Variants in NAP1L4 observed in about 807,000 individuals in gnomAD.
The protein encoded by NAP1L4 is nucleosome assembly protein 1 like 4.
Under a neutral mutation model 58.2 loss-of-function variants are expected in NAP1L4, and 15 were observed. The observed-to-expected ratio is 0.26, with a 90% CI of 0.17 to 0.40. The LOEUF (loss-of-function observed/expected upper bound fraction) is 0.40. NAP1L4 is among the 10% of genes least tolerant of loss of function. The pLI is 1.00. For missense variants in NAP1L4, 384 were observed against 451.1 expected (o/e 0.85, Z 1.35); for synonymous variants, 171 against 155.6 (o/e 1.10, Z -0.74).
At chr11:2,986,304 G>A (rs1177939218) in intron 1 of NAP1L4, among the ~76,000 whole-genome samples, 4 of 151,710 alleles carry the variant, frequency 2.6e-5, no homozygotes, top group African/African-American at 9.7e-5. Flanking sequence ...AACCTGGGGG[G>A]CGGAGGTTGT....
intron 4 of NAP1L4, among the ~76,000 whole-genome samples, chr11:2,974,099 G>C (rs1847811479): frequency 6.6e-6 from 1 of 152,120 alleles, no homozygotes; most frequent in African/African-American, 2.4e-5. Flanking sequence ...TTTAATTTTT[G>C]AAGCTTTCCA....
chr11:2,958,942 G>C (rs1022843167), intron 9 of NAP1L4: 1 of 223,442 alleles, frequency 4.5e-6, no homozygotes. Flanking sequence ...CTGAAAAAAG[G>C]AAAGAGGTGG....
chr11:2,969,715 T>A, intron 7 of NAP1L4, 88 bp downstream of exon 7: 1 of 1,423,794 alleles, frequency 7.0e-7, no homozygotes, highest in Non-Finnish European at 9.4e-7. Flanking sequence ...AATCTTTCAA[T>A]GCCCAGTGTA....
At chr11:2,964,372 G>A (rs1847131360) in intron 8 of NAP1L4, among the ~76,000 whole-genome samples, 1 of 152,148 alleles carries the variant, frequency 6.6e-6, no homozygotes, top group Admixed American at 6.5e-5. Context: ...CTCCTGCATT[G>A]GTGCCCACCT....
intron 6 of NAP1L4, among the ~76,000 whole-genome samples, chr11:2,970,692 G>C (rs541138994): frequency 3.7e-4 from 57 of 152,292 alleles, no homozygotes; most frequent in Non-Finnish European, 6.5e-4. Context: ...ATCTTGAAAT[G>C]AAAGGCCTTT....
Position 2,958,387 on chromosome 11 carries a change from C to G in NAP1L4, c.892+12G>C, listed in dbSNP as rs756126897. The G allele has an allele frequency of 2.7e-5, 43 of 1,613,432 alleles. No individual in the cohort carries two copies. The highest frequency in any genetic ancestry group is 3.6e-5 in the Non-Finnish European group (42 of 1,179,718). On this transcript the variant is annotated intron_variant, in intron 10 of 15. Transcript: ENST00000380542. ...TAAGAACATAATGAATATTAACAAC[C>G]AACAGACTTGCCTTTCAATGGATTG...
At chr11:2,985,668 A>G (rs1042063575) in intron 1 of NAP1L4, among the ~76,000 whole-genome samples, 23 of 152,392 alleles carry the variant, frequency 1.5e-4, no homozygotes, top group African/African-American at 4.8e-4. Context: ...CGCATTATAC[A>G]TCATAAATAT....
chr11:2,977,136 CAT>C (rs1383586488), intron 3 of NAP1L4, among the ~76,000 whole-genome samples: 5 of 152,204 alleles, frequency 3.3e-5, no homozygotes, highest in Admixed American at 6.5e-5. Flanking sequence ...ACTGTGTACA[CAT>C]GTGTAGTATA....
Position 2,959,872 on chromosome 11 carries a change from T to C in NAP1L4, c.644A>G (p.Tyr215Cys). The change falls in exon 9 of 16, where the codon TAC (tyrosine) becomes TGC (cysteine). Residue 215 changes from tyrosine (Y) to cysteine (C), a missense_variant. Physicochemically the swap from Tyr to Cys is radical, Grantham distance 194 (BLOSUM62 -2). This residue lies in a region of NAP1L4 where 296 missense variants were observed against 360.8 expected (regional missense o/e 0.82). Transcript: ENST00000380542. This position sits in a 1 kb window ranked among gnomAD's most constrained non-coding sequence, Gnocchi z 4.9. ...VLEFHFEPND[Y>C]FTNSVLTKTY... ...TTTTGTCAGGACTGAGTTGGTAAAG[T>C]AGTCGTTGGGTTCAAAGTGGAACTC... 3.1e-6 allele frequency: 5 copies of C among 1,614,232 alleles called. No homozygotes were observed. Among genetic ancestry groups the C allele is most frequent in the African/African-American group, 1.3e-5 (1 of 75,074 alleles).
intron 14 of NAP1L4, among the ~76,000 whole-genome samples, chr11:2,950,693 A>G (rs1228742726): frequency 6.6e-6 from 1 of 152,228 alleles, no homozygotes; most frequent in East Asian, 1.9e-4. Flanking sequence ...ATAAAAATCT[A>G]AATTTGCAGG....
chr11:2,953,235 T>C (rs1846335902), intron 12 of NAP1L4, among the ~76,000 whole-genome samples: 1 of 152,240 alleles, frequency 6.6e-6, no homozygotes. Context: ...TGTGGCACAG[T>C]GCTCACCAGC....
chr11:2,963,008 G>C (rs1003195659), intron 8 of NAP1L4, among the ~76,000 whole-genome samples: 4 of 150,174 alleles, frequency 2.7e-5, no homozygotes, highest in Non-Finnish European at 5.9e-5. Context: ...GCTGAGGCAG[G>C]AGAATCGCTT....
At chr11:2,970,148 G>A (rs1332373435) in intron 6 of NAP1L4, among the ~76,000 whole-genome samples, 1 of 152,074 alleles carries the variant, frequency 6.6e-6, no homozygotes, top group Non-Finnish European at 1.5e-5. Flanking sequence ...ACGGAATTCC[G>A]TACCATTTCA....
chr11:2,976,021 T>C lies in NAP1L4; in HGVS notation c.173+3A>G. On this transcript the variant is annotated splice_donor_region_variant and intron_variant, in intron 4 of 15. Transcript: ENST00000380542. The stretch of plus-strand genomic sequence containing the variant: ...CATGAGACCCTATTCACAGCACACT[T>C]ACGTTTCGATGTAGCTGGAAGGGGT... 3 of 1,610,308 alleles carry C rather than the reference T, an allele frequency of 1.9e-6. No homozygotes were observed. Among genetic ancestry groups the C allele is most frequent in the Non-Finnish European group, 8.5e-7 (1 of 1,178,698 alleles).
chr11:2,953,577 T>C (rs1846355455), intron 12 of NAP1L4, among the ~76,000 whole-genome samples: 1 of 152,258 alleles, frequency 6.6e-6, no homozygotes, highest in South Asian at 2.1e-4. Context: ...CCATGTTCCC[T>C]GACCTGCAAT....
intron 1 of NAP1L4, chr11:2,988,195 G>T (rs549775963): frequency 1.4e-4 from 22 of 152,230 alleles, no homozygotes; most frequent in African/African-American, 5.3e-4. Context: ...TTTACTTGGG[G>T]CGCAGCAGTC....
At chr11:2,991,017 G>C (rs1026411409) in intron 1 of NAP1L4, 3 of 442,714 alleles carry the variant, frequency 6.8e-6, no homozygotes, top group South Asian at 3.1e-5. Flanking sequence ...TAAGGCACGG[G>C]TTACTACAGG....
chr11:2,963,017 T>G (rs1260411134), intron 8 of NAP1L4, among the ~76,000 whole-genome samples: 1 of 148,026 alleles, frequency 6.8e-6, no homozygotes, highest in Non-Finnish European at 1.5e-5. Flanking sequence ...GGAGAATCGC[T>G]TGAATCCAGG....
At chr11:2,960,131 T>C (rs1266735921) in intron 8 of NAP1L4, 7 of 487,012 alleles carry the variant, frequency 1.4e-5, no homozygotes, top group Non-Finnish European at 2.6e-5. Context: ...GTAAGGGGCA[T>C]GTTCCCCCTC....
Sources: allele counts gnomAD v4.1 joint callset (sites outside exome capture counted in the v4.1 genomes callset), GRCh38; gene constraint gnomAD v4.1.1; regional missense constraint gnomAD v4.1.1; non-coding constraint Gnocchi (gnomAD v3.1); transcripts MANE v1.5; gene names NCBI Gene and HGNC (gene_info 2026-07-23, HGNC 2026-07-21).